SCRG1: variants seen among roughly 807,000 people sequenced by gnomAD.
SCRG1 encodes stimulator of chondrogenesis 1, also known as scrapie-responsive protein 1.
Under a neutral mutation model 7.7 loss-of-function variants are expected in SCRG1, and 3 were observed. The ratio of observed to expected loss-of-function variants is 0.39; its 90% confidence interval spans 0.18 to 1.01. SCRG1 has a LOEUF of 1.01. Ranked by LOEUF, SCRG1 falls within the 50% of genes least tolerant of loss-of-function variation. The pLI is 0.36. For missense variants in SCRG1, 110 were observed against 117.2 expected, an observed-to-expected ratio of 0.94 and a Z score of 0.28; for synonymous variants, 46 against 41.2, an observed-to-expected ratio of 1.12 and a Z score of -0.44.
chr4:173,466,829 A>G, the SCRG1 span, among the ~76,000 whole-genome samples: 1 of 152,350 alleles, frequency 6.6e-6, no homozygotes, highest in East Asian at 1.9e-4. Flanking sequence ...TTTAAAATGT[A>G]AAATTTTGTA....
At chr4:173,455,647 C>G in the SCRG1 span, among the ~76,000 whole-genome samples, 10 of 152,078 alleles carry the variant, frequency 6.6e-5, no homozygotes, top group African/African-American at 2.4e-4. Flanking sequence ...GTGAATATCG[C>G]AGGCTCATGT....
intron 2 of SCRG1, among the ~76,000 whole-genome samples, chr4:173,390,472 G>GTTT (rs1157046793): frequency 2.6e-5 from 3 of 115,452 alleles, no homozygotes; most frequent in Non-Finnish European, 3.7e-5. Flanking sequence ...GTTGTTGTTC[G>GTTT]TTTTTTTTTT....
intron 1 of SCRG1, among the ~76,000 whole-genome samples, chr4:173,395,026 T>C (rs1739561468): frequency 6.6e-6 from 1 of 152,196 alleles, no homozygotes; most frequent in Non-Finnish European, 1.5e-5. Context: ...ATTATGGTCT[T>C]TCTATATGTT....
At chr4:173,483,128 A>C in the SCRG1 span, among the ~76,000 whole-genome samples, 1 of 73,182 alleles carries the variant, frequency 1.4e-5, no homozygotes, top group East Asian at 4.9e-4. Context: ...TATATAATGT[A>C]TATTTTATAT....
chr4:173,467,588 T>C, the SCRG1 span, among the ~76,000 whole-genome samples: 1 of 152,178 alleles, frequency 6.6e-6, no homozygotes, highest in African/African-American at 2.4e-5. Flanking sequence ...AATGATTAAC[T>C]TGGACATTCA....
chr4:173,485,533 C>G, the SCRG1 span, among the ~76,000 whole-genome samples: 4 of 151,898 alleles, frequency 2.6e-5, no homozygotes, highest in Non-Finnish European at 5.9e-5. Context: ...TGCAGAATTA[C>G]GAGCAATTTA....
the SCRG1 span, among the ~76,000 whole-genome samples, chr4:173,473,464 A>G: frequency 1.3e-5 from 2 of 152,196 alleles, no homozygotes; most frequent in Non-Finnish European, 1.5e-5. Context: ...AAGTTTCTCT[A>G]AGATACAGTA....
At chr4:173,490,259 C>T in the SCRG1 span, among the ~76,000 whole-genome samples, 1 of 152,192 alleles carries the variant, frequency 6.6e-6, no homozygotes, top group Non-Finnish European at 1.5e-5. Context: ...TAAATCACTT[C>T]CCAAAGTGTC....
At chr4:173,515,332 G>A in the SCRG1 span, among the ~76,000 whole-genome samples, 1 of 152,028 alleles carries the variant, frequency 6.6e-6, no homozygotes, top group Admixed American at 6.5e-5. The surrounding 1 kb of genome is among the most constrained non-coding windows in gnomAD (Gnocchi z 4.6). Flanking sequence ...CACAGGAAAT[G>A]AGCAGAGGTC....
At chr4:173,423,239 T>G in the SCRG1 span, among the ~76,000 whole-genome samples, 3 of 152,344 alleles carry the variant, frequency 2.0e-5, no homozygotes, top group East Asian at 5.8e-4. Flanking sequence ...ACCAATAGTG[T>G]TGCTTAGTAA....
At chr4:173,457,233 C>A in the SCRG1 span, among the ~76,000 whole-genome samples, 1 of 152,316 alleles carries the variant, frequency 6.6e-6, no homozygotes, top group East Asian at 1.9e-4. Flanking sequence ...CCTGCACAAC[C>A]ACTGAGGAAT....
the SCRG1 span, among the ~76,000 whole-genome samples, chr4:173,508,086 TGGGAAAAGCCC>T: frequency 2.0e-5 from 3 of 152,048 alleles, no homozygotes; most frequent in Non-Finnish European, 4.4e-5. This position sits in a 1 kb window ranked among gnomAD's most constrained non-coding sequence, Gnocchi z 4.4. Context: ...TGGCAGTGCC[TGGGAAAAGCCC>T]GAGAAAAGCC....
At chr4:173,492,053 C>T in the SCRG1 span, among the ~76,000 whole-genome samples, 1 of 152,004 alleles carries the variant, frequency 6.6e-6, no homozygotes, top group Non-Finnish European at 1.5e-5. Context: ...TCGCTTGAGC[C>T]TGTGAGGTTG....
chr4:173,483,982 T>A, the SCRG1 span, among the ~76,000 whole-genome samples: 1 of 33,602 alleles, frequency 3.0e-5, no homozygotes, highest in Admixed American at 5.4e-4. Flanking sequence ...TAATATATAG[T>A]ATATTATATA....
At chr4:173,508,417 C>T in the SCRG1 span, among the ~76,000 whole-genome samples, 12 of 152,140 alleles carry the variant, frequency 7.9e-5, no homozygotes, top group Non-Finnish European at 1.5e-5. The surrounding 1 kb of genome is among the most constrained non-coding windows in gnomAD (Gnocchi z 4.4). Flanking sequence ...GACAAATATG[C>T]CCACACTTTG....
At chr4:173,433,340 T>C in the SCRG1 span, among the ~76,000 whole-genome samples, 1 of 152,212 alleles carries the variant, frequency 6.6e-6, no homozygotes, top group African/African-American at 2.4e-5. Context: ...TACTCCAAAT[T>C]GTAAAGATAG....
chr4:173,451,397 G>T, the SCRG1 span, among the ~76,000 whole-genome samples: 36 of 151,820 alleles, frequency 2.4e-4, no homozygotes, highest in Non-Finnish European at 1.9e-4. Flanking sequence ...CCGCAAGTTA[G>T]CTCCATTCAG....
the SCRG1 span, among the ~76,000 whole-genome samples, chr4:173,413,018 C>T: frequency 6.6e-6 from 1 of 152,022 alleles, no homozygotes; most frequent in Non-Finnish European, 1.5e-5. Flanking sequence ...TCATATACAG[C>T]TTAGACTGTT....
intron 1 of SCRG1, among the ~76,000 whole-genome samples, chr4:173,394,177 A>G (rs1304606246): frequency 6.6e-6 from 1 of 151,840 alleles, no homozygotes; most frequent in Non-Finnish European, 1.5e-5. Context: ...GTTGTCTTGT[A>G]ATTAGTTCTT....
Sources: allele counts gnomAD v4.1 joint callset (sites outside exome capture counted in the v4.1 genomes callset), GRCh38; gene constraint gnomAD v4.1.1; non-coding constraint Gnocchi (gnomAD v3.1); transcripts MANE v1.5; gene names NCBI Gene and HGNC (gene_info 2026-07-23, HGNC 2026-07-21).